The following GSTCD variants were observed in gnomAD, a reference collection of about 807,000 sequenced individuals.
GSTCD encodes the protein glutathione S-transferase C-terminal domain-containing protein.
Under a neutral mutation model 68.3 loss-of-function variants are expected in GSTCD, and 44 were observed. The ratio of observed to expected loss-of-function variants is 0.64; its 90% CI spans 0.51 to 0.83. The LOEUF is 0.83. Among genes scored for constraint, GSTCD ranks in the 40% least tolerant of loss-of-function variants. The probability of loss-of-function intolerance (pLI) is 0.00; values close to 1 mark genes in which losing one functional copy is unlikely to be tolerated. For missense variants in GSTCD, 739 were observed against 735.9 expected (o/e 1.00, Z -0.05); for synonymous variants, 273 against 255.2 (o/e 1.07, Z -0.67).
intron 11 of GSTCD, 134 bp downstream of exon 11, chr4:105,842,268 C>A: frequency 6.1e-6 from 4 of 652,546 alleles, no homozygotes; most frequent in South Asian, 2.1e-5. Context: ...ATGTTCTTCC[C>A]AAAAAAACTT....
rs1724033989 is a variant in GSTCD, at chr4:105,834,546, G to A, written c.1616G>A (p.Cys539Tyr). 1 of 1,613,972 alleles carries A rather than the reference G, an allele frequency of 6.2e-7. No homozygotes were observed. Among genetic ancestry groups the A allele is most frequent in the African/African-American group, 1.3e-5 (1 of 74,904 alleles). The change falls in exon 9 of 12, where the codon TGC (cysteine) becomes TAC (tyrosine). Residue 539 changes from cysteine to tyrosine, a missense_variant. Transcript: ENST00000515279. ...CGGGCTTCCTTCGTCACATGCCCTT[G>A]CTGTTATGGTTTCATTCAGAACACC... ...KTRASFVTCP[C>Y]CYGFIQNTSK...
chr4:105,839,942 T>C (rs1483876013), intron 10 of GSTCD, among the ~76,000 whole-genome samples: 1 of 152,168 alleles, frequency 6.6e-6, no homozygotes, highest in Non-Finnish European at 1.5e-5. Flanking sequence ...ATAACCTTTA[T>C]CTACTCTTTC....
chr4:105,845,619 G>A lies in GSTCD; in HGVS notation c.*42G>A, dbSNP rs376011427. The A allele has an allele frequency of 2.2e-4, 358 of 1,607,204 alleles. 1 individual carries two copies. The highest frequency in any genetic ancestry group is 1.2e-3 in the African/African-American group (87 of 74,812). ...TTGATATTTTGCCATCCGTCTTCAC[G>A]TTGGATGCCCAGTGGCATTCAGGAG... is the stretch of plus-strand genomic sequence containing the variant. On this transcript the variant is annotated 3_prime_UTR_variant, in exon 12 of 12. Coordinates refer to ENST00000515279, the MANE Select transcript of GSTCD (RefSeq NM_001370181.1).
At chr4:105,825,397 T>C (rs1224204360) in intron 7 of GSTCD, among the ~76,000 whole-genome samples, 1 of 152,202 alleles carries the variant, frequency 6.6e-6, no homozygotes, top group Non-Finnish European at 1.5e-5. Flanking sequence ...CCCAAAGTGT[T>C]GGGATTACAG....
chr4:105,799,753 G>C (rs1736033626), intron 5 of GSTCD, among the ~76,000 whole-genome samples: 1 of 146,074 alleles, frequency 6.8e-6, no homozygotes, highest in Non-Finnish European at 1.5e-5. Flanking sequence ...ATGTGACACA[G>C]AAACATAAAG....
Position 105,777,320 on chromosome 4 carries a change from G to A in GSTCD, c.1241-45634G>A, listed in dbSNP as rs980959236. Among the ~76,000 whole-genome samples, 13 of 152,198 alleles carry A rather than the reference G, an allele frequency of 8.5e-5. 1 individual carries two copies. The highest frequency in any genetic ancestry group is 7.2e-4 in the Admixed American group (11 of 15,280). On this transcript the variant is annotated intron_variant, in intron 5 of 11. Coordinates refer to ENST00000515279, the MANE Select transcript of GSTCD (RefSeq NM_001370181.1). Reference sequence around the variant, plus strand: ...TATATATATATATGCTTATCTTTCTGATATTAATTTTCTTACGTAGAACAT... The same window carrying A: ...TATATATATATATGCTTATCTTTCTAATATTAATTTTCTTACGTAGAACAT...
intron 5 of GSTCD, among the ~76,000 whole-genome samples, chr4:105,808,201 AC>A (rs775147476): frequency 2.0e-5 from 3 of 152,002 alleles, no homozygotes; most frequent in Non-Finnish European, 4.4e-5. Context: ...CAGTAGAATA[AC>A]CCCTTATCAG....
rs369022794 is a variant in GSTCD, at chr4:105,775,576, T to G, written c.1240+46077T>G. Among the ~76,000 whole-genome samples the G allele has an allele frequency of 1.8e-4, 27 of 152,320 alleles. No individual in the cohort carries two copies. In the East Asian group the frequency reaches 4.8e-3, roughly 27 times the overall value. ...GATGTTGATGCTATTCCTTTCTGTT[T>G]ATCAGTTTTCTTTCTAACACTCAGT... On this transcript the variant is annotated intron_variant, in intron 5 of 11. Transcript: ENST00000515279.
In GSTCD at chr4:105,729,495, G is replaced by A; in HGVS notation, c.1236G>A (p.Lys412=). Residue 412 remains lysine, a synonymous_variant, in exon 5 of 12, where the codon AAG becomes AAA. Transcript: ENST00000515279. The part of the protein sequence containing the change: ...WNVLPAAVSP[K]EGKMSSDRAL... ...TTCTCCCTGCAGCAGTCAGCCCAAA[G>A]GAAGGTGAGTTTTCTTTTTTCTTTA... The A allele has an allele frequency of 1.2e-6, 2 of 1,607,046 alleles. No individual in the cohort carries two copies. The highest frequency in any genetic ancestry group is 8.5e-7 in the Non-Finnish European group (1 of 1,175,332).
intron 5 of GSTCD, among the ~76,000 whole-genome samples, chr4:105,729,723 T>C (rs1475209272): frequency 6.6e-6 from 1 of 152,200 alleles, no homozygotes. Flanking sequence ...CTGTTTTTTC[T>C]TTGCTGACAT....
intron 5 of GSTCD, among the ~76,000 whole-genome samples, chr4:105,797,420 T>C (rs1735937152): frequency 1.3e-5 from 2 of 152,188 alleles, no homozygotes; most frequent in Admixed American, 1.3e-4. Flanking sequence ...CCAGTGCACA[T>C]GAAAGTTGTG....
rs562366934 is a variant in GSTCD at position 105,734,243 on chromosome 4, G to A, written c.1240+4744G>A. On this transcript the variant is annotated intron_variant, in intron 5 of 11. Coordinates refer to ENST00000515279, the MANE Select transcript of GSTCD (RefSeq NM_001370181.1). ...ATTTGAATGTTGGCCTGCCTTGCTA[G>A]GTTGGGGAAGTTCTCCTGGATAATA... Among the ~76,000 whole-genome samples, 49 of 152,264 alleles carry A rather than the reference G, an allele frequency of 3.2e-4. 1 individual carries two copies. In the South Asian group the frequency reaches 7.5e-3, roughly 23 times the overall value.
intron 10 of GSTCD, chr4:105,840,325 T>A: frequency 2.9e-6 from 1 of 346,308 alleles, no homozygotes; most frequent in Admixed American, 3.1e-5. Context: ...CGTTGATGCC[T>A]GTTAGTTTGT....
intron 5 of GSTCD, among the ~76,000 whole-genome samples, chr4:105,774,521 C>T (rs1734978997): frequency 2.0e-5 from 3 of 152,294 alleles, no homozygotes; most frequent in East Asian, 1.9e-4. Context: ...GTGCTTCCTT[C>T]AGGAGCTCTT....
In GSTCD at chr4:105,740,181, G is replaced by A. The variant is rs146252286; in HGVS notation, c.1240+10682G>A. Among the ~76,000 whole-genome samples, 26 of 152,148 alleles carry A rather than the reference G, an allele frequency of 1.7e-4. No individual in the cohort carries two copies. In the East Asian group the frequency reaches 4.8e-3, roughly 28 times the overall value. On this transcript the variant is annotated intron_variant, in intron 5 of 11. Transcript: ENST00000515279. ...CCCCAGGGTGCAAGACATAGTGTCA[G>A]CTCCTTCTCTGTGGGATGACAGCTA...
intron 5 of GSTCD, chr4:105,760,996 A>ATTTTTTTTT (rs35581423): frequency 1.6e-4 from 28 of 174,964 alleles, no homozygotes; most frequent in Admixed American, 3.7e-4. Context: ...TCCTTTTTTA[A>ATTTTTTTTT]TTTTTTTTTT....
intron 1 of GSTCD, among the ~76,000 whole-genome samples, chr4:105,711,829 A>G (rs1257998013): frequency 1.3e-5 from 2 of 152,230 alleles, no homozygotes; most frequent in African/African-American, 4.8e-5. Flanking sequence ...AGGCACATGT[A>G]TGGAATCTAG....
At chr4:105,789,775 G>A (rs918932920) in intron 5 of GSTCD, among the ~76,000 whole-genome samples, 2 of 151,768 alleles carry the variant, frequency 1.3e-5, no homozygotes, top group Admixed American at 6.6e-5. Context: ...ACAGGAGGGA[G>A]GACCATTGGG....
At chr4:105,804,275 CTA>C (rs1736247117) in intron 5 of GSTCD, among the ~76,000 whole-genome samples, 1 of 151,796 alleles carries the variant, frequency 6.6e-6, no homozygotes, top group East Asian at 1.9e-4. Flanking sequence ...AGAAACTTTT[CTA>C]TTAAATAGAG....
Sources: allele counts gnomAD v4.1 joint callset (sites outside exome capture counted in the v4.1 genomes callset), GRCh38; gene constraint gnomAD v4.1.1; transcripts MANE v1.5; gene names NCBI Gene and HGNC (gene_info 2026-07-23, HGNC 2026-07-21).